CNTNAP2: variants seen among roughly 807,000 people sequenced by gnomAD.
CNTNAP2 encodes contactin associated protein 2, also known as contactin-associated protein-like 2.
A neutral mutation model predicts 155.2 loss-of-function variants in CNTNAP2; 98 were observed. That is an observed-to-expected ratio of 0.63 (90% CI 0.54 to 0.75). The LOEUF is 0.75. Ranked by LOEUF, CNTNAP2 falls within the 30% of genes least tolerant of loss-of-function variation. The pLI, the probability that CNTNAP2 is intolerant of heterozygous loss-of-function variation, is 0.00. For synonymous variants in CNTNAP2, 651 were observed against 631.2 expected (o/e 1.03, Z -0.47); for missense variants, 1,727 against 1,688.1 (o/e 1.02, Z -0.40).
At chr7:148,281,115 T>C (rs1453847923) in intron 21 of CNTNAP2, among the ~76,000 whole-genome samples, 3 of 152,160 alleles carry the variant, frequency 2.0e-5, no homozygotes, top group Non-Finnish European at 4.4e-5. Context: ...ATTCCCTCTT[T>C]ACTTTCCTGC....
intron 23 of CNTNAP2, among the ~76,000 whole-genome samples, chr7:148,411,171 A>G (rs909862112): frequency 2.6e-5 from 4 of 152,190 alleles, no homozygotes; most frequent in African/African-American, 9.7e-5. Context: ...CCCTGTTACC[A>G]TTAAGATCCC....
Position 147,007,310 on chromosome 7 carries a change from C to T in CNTNAP2, c.403-36597C>T, listed in dbSNP as rs144816181. Among the ~76,000 whole-genome samples the T allele has an allele frequency of 3.2e-3, 491 of 152,162 alleles. 2 individuals carry two copies. The highest frequency in any genetic ancestry group is 0.011 in the African/African-American group (458 of 41,532). Reference sequence around the variant, plus strand: ...CTACTGTTAATTCTGATTGCTCTAACCACAGAGCATAAATTTTCTTTTTGC... The same window carrying T: ...CTACTGTTAATTCTGATTGCTCTAATCACAGAGCATAAATTTTCTTTTTGC... On this transcript the variant is annotated intron_variant, in intron 3 of 23. Coordinates refer to ENST00000361727, the MANE Select transcript of CNTNAP2 (RefSeq NM_014141.6).
Position 148,416,243 on chromosome 7 carries a change from A to C in CNTNAP2, c.*627A>C, listed in dbSNP as rs1156768987. 1 of 153,690 alleles carries C rather than the reference A, an allele frequency of 6.5e-6. No individual in the cohort carries two copies. Among genetic ancestry groups the C allele is most frequent in the Non-Finnish European group, 1.4e-5 (1 of 69,126 alleles). The allele number at this position is 153,690 out of a possible 1,614,324, so 9.5% of individuals were successfully genotyped here. A position where few individuals can be genotyped will look rare whatever the true frequency, so the allele number is the denominator to read the frequency against. ...GACTGATACCAGCAGTTGAAGGAAG[A>C]GAGTGCATGGCACCTGGTGTGTAAC... On this transcript the variant is annotated 3_prime_UTR_variant, in exon 24 of 24. Coordinates refer to ENST00000361727, the MANE Select transcript of CNTNAP2 (RefSeq NM_014141.6).
intron 13 of CNTNAP2, among the ~76,000 whole-genome samples, chr7:147,841,579 CAA>C (rs1249484862): frequency 6.6e-6 from 1 of 152,158 alleles, no homozygotes; most frequent in Non-Finnish European, 1.5e-5. Context: ...ACCTATTTCA[CAA>C]AGTTATTCAC....
chr7:146,823,881 T>A lies in CNTNAP2; in HGVS notation c.209-15830T>A, dbSNP rs528843465. The stretch of plus-strand genomic sequence containing the variant: ...AATGTCACACAGACATATATTTTTT[T>A]AAATTTTACCTTAAGTTCTGGGATA... On this transcript the variant is annotated intron_variant, in intron 2 of 23. Coordinates refer to ENST00000361727, the MANE Select transcript of CNTNAP2 (RefSeq NM_014141.6). Among the ~76,000 whole-genome samples the A allele has an allele frequency of 4.6e-5, 7 of 152,196 alleles. No homozygotes were observed. The East Asian group carries it at 9.7e-4, about 21-fold the overall frequency.
intron 2 of CNTNAP2, among the ~76,000 whole-genome samples, chr7:146,793,582 A>G (rs1802711423): frequency 6.6e-6 from 1 of 152,228 alleles, no homozygotes; most frequent in African/African-American, 2.4e-5. Flanking sequence ...GGGCAGTCTC[A>G]TTTTATCAGG....
At chr7:146,676,709 G>A (rs1800404372) in intron 1 of CNTNAP2, among the ~76,000 whole-genome samples, 1 of 152,128 alleles carries the variant, frequency 6.6e-6, no homozygotes, top group Non-Finnish European at 1.5e-5. Context: ...GAAAGCAAAA[G>A]GCTCATCTTA....
rs539104779 is a variant in CNTNAP2 at position 147,874,357 on chromosome 7, G to A, written c.2099-29208G>A. Among the ~76,000 whole-genome samples, 15 of 152,330 alleles carry A rather than the reference G, an allele frequency of 9.8e-5. No individual in the cohort carries two copies. The South Asian group carries it at 2.9e-3, about 29-fold the overall frequency. ...TTTCCATACATTCTCTGAAATCTAG[G>A]TGGAGGTTCCCAAACCTCAATTCTT... is the stretch of plus-strand genomic sequence containing the variant. On this transcript the variant is annotated intron_variant, in intron 13 of 23. Coordinates refer to ENST00000361727, the MANE Select transcript of CNTNAP2 (RefSeq NM_014141.6).
intron 9 of CNTNAP2, among the ~76,000 whole-genome samples, chr7:147,313,773 A>G (rs1795170408): frequency 6.6e-6 from 1 of 152,008 alleles, no homozygotes; most frequent in Non-Finnish European, 1.5e-5. Context: ...TATGAACTTT[A>G]AAGTAGTTTT....
intron 11 of CNTNAP2, among the ~76,000 whole-genome samples, chr7:147,556,721 C>T (rs1296166579): frequency 6.6e-6 from 1 of 152,138 alleles, no homozygotes; most frequent in East Asian, 1.9e-4. Context: ...GTGCTACCAA[C>T]ACTTTGAATT....
At chr7:148,183,226 A>G (rs1426360847) in intron 18 of CNTNAP2, among the ~76,000 whole-genome samples, 3 of 152,202 alleles carry the variant, frequency 2.0e-5, no homozygotes, top group East Asian at 1.9e-4. Context: ...AGAGACCCCC[A>G]TGGATACCCA....
Position 147,842,106 on chromosome 7 carries a change from A to G in CNTNAP2, c.2099-61459A>G, listed in dbSNP as rs189516433. On this transcript the variant is annotated intron_variant, in intron 13 of 23. Coordinates refer to ENST00000361727, the MANE Select transcript of CNTNAP2 (RefSeq NM_014141.6). ...CACAGGTGCTTAATATTTTATTAAT[A>G]TAAATGCATAATTCATTTGCTCTTC... Among the ~76,000 whole-genome samples the G allele has an allele frequency of 2.0e-5, 3 of 152,366 alleles. No homozygotes were observed. The East Asian group carries it at 5.8e-4, about 29-fold the overall frequency.
intron 13 of CNTNAP2, among the ~76,000 whole-genome samples, chr7:147,717,979 T>C (rs1383913888): frequency 6.6e-6 from 1 of 152,024 alleles, no homozygotes; most frequent in Non-Finnish European, 1.5e-5. Context: ...ATAGTACCAA[T>C]TATATACTTT....
intron 4 of CNTNAP2, among the ~76,000 whole-genome samples, chr7:147,092,096 C>G (rs1800419558): frequency 1.3e-5 from 2 of 152,134 alleles, no homozygotes; most frequent in South Asian, 4.1e-4. Context: ...TGTAACAGCA[C>G]TATATCTGTC....
At chr7:147,202,859 A>AGT (rs1236390706) in intron 8 of CNTNAP2, among the ~76,000 whole-genome samples, 1 of 149,714 alleles carries the variant, frequency 6.7e-6, no homozygotes, top group Non-Finnish European at 1.5e-5. Context: ...ATTAAAAAAA[A>AGT]ATATATATAT....
chr7:146,794,350 T>C (rs552632171), intron 2 of CNTNAP2, among the ~76,000 whole-genome samples: 3 of 152,360 alleles, frequency 2.0e-5, no homozygotes, highest in South Asian at 2.1e-4. Context: ...ATTTCTATTA[T>C]GTTTAGAGGG....
intron 8 of CNTNAP2, among the ~76,000 whole-genome samples, chr7:147,199,596 G>C (rs1233619910): frequency 6.6e-6 from 1 of 150,946 alleles, no homozygotes; most frequent in Admixed American, 6.6e-5. Flanking sequence ...GAATAGAATG[G>C]GTTTTTTTTT....
chr7:147,768,576 A>C (rs1584945637), intron 13 of CNTNAP2, among the ~76,000 whole-genome samples: 1 of 152,084 alleles, frequency 6.6e-6, no homozygotes, highest in South Asian at 2.1e-4. Context: ...TTATGTTCCC[A>C]CTGTCTTTAA....
intron 2 of CNTNAP2, among the ~76,000 whole-genome samples, chr7:146,827,686 C>T (rs1803433085): frequency 6.6e-6 from 1 of 151,924 alleles, no homozygotes; most frequent in Non-Finnish European, 1.5e-5. Context: ...CAAAGTAAAG[C>T]AGTAGATTTG....
Sources: allele counts gnomAD v4.1 joint callset (sites outside exome capture counted in the v4.1 genomes callset), GRCh38; gene constraint gnomAD v4.1.1; transcripts MANE v1.5; gene names NCBI Gene and HGNC (gene_info 2026-07-23, HGNC 2026-07-21).